SLCO3A1: variants seen among roughly 807,000 people sequenced by gnomAD.
SLCO3A1 encodes the protein PGE1 transporter.
A neutral mutation model predicts 63.1 loss-of-function variants in SLCO3A1; 27 were observed. The observed-to-expected ratio is 0.43, with a 90% CI of 0.32 to 0.59. The LOEUF is 0.59. Ranked by LOEUF, SLCO3A1 falls within the 20% of genes least tolerant of loss-of-function variation. The pLI, the probability that SLCO3A1 is intolerant of heterozygous loss-of-function variation, is 0.09. For missense variants in SLCO3A1, 773 were observed against 945.8 expected, an observed-to-expected ratio of 0.82 and a Z score of 2.40; for synonymous variants, 473 against 409.9, an observed-to-expected ratio of 1.15 and a Z score of -1.86.
At chr15:91,919,112 C>T (rs1436280089) in intron 2 of SLCO3A1, among the ~76,000 whole-genome samples, 4 of 152,304 alleles carry the variant, frequency 2.6e-5, no homozygotes, top group East Asian at 1.9e-4. Flanking sequence ...ACACCTGCCC[C>T]GGGTCACCCG....
At chr15:91,861,558 A>G (rs1373527170) in intron 1 of SLCO3A1, among the ~76,000 whole-genome samples, 1 of 152,224 alleles carries the variant, frequency 6.6e-6, no homozygotes, top group Non-Finnish European at 1.5e-5. Flanking sequence ...CAATAGTTGC[A>G]CTTATTCCTC....
intron 2 of SLCO3A1, among the ~76,000 whole-genome samples, chr15:91,973,417 C>G (rs1274650606): frequency 6.6e-6 from 1 of 152,176 alleles, no homozygotes; most frequent in Non-Finnish European, 1.5e-5. Flanking sequence ...AAATTCAAAC[C>G]TGTGACAAGT....
intron 2 of SLCO3A1, among the ~76,000 whole-genome samples, chr15:91,979,762 T>C (rs143947418): frequency 6.6e-6 from 1 of 152,336 alleles, no homozygotes; most frequent in African/African-American, 2.4e-5. Flanking sequence ...CGGTATACAA[T>C]GCATGTCAAG....
chr15:92,121,869 C>T (rs1458876907), intron 5 of SLCO3A1, among the ~76,000 whole-genome samples: 1 of 152,194 alleles, frequency 6.6e-6, no homozygotes, highest in African/African-American at 2.4e-5. Context: ...GCCCAAATGT[C>T]TCTGTTGGCT....
chr15:91,878,027 A>G (rs1897445318), intron 1 of SLCO3A1, among the ~76,000 whole-genome samples: 1 of 150,668 alleles, frequency 6.6e-6, no homozygotes, highest in African/African-American at 2.4e-5. Context: ...ATGAGGCAAG[A>G]TCTGGTATCC....
chr15:91,996,200 A>G lies in SLCO3A1; in HGVS notation c.646+79742A>G, dbSNP rs2046189890. Among the ~76,000 whole-genome samples the G allele has an allele frequency of 2.0e-5, 3 of 152,164 alleles. No homozygotes were observed. The South Asian group carries it at 6.2e-4, about 32-fold the overall frequency. On this transcript the variant is annotated intron_variant, in intron 2 of 9. Transcript: ENST00000318445. ...CTTAGCATTTCTATAGATAAGCAAA[A>G]ATAAGTGGCAAATGAAAATTGTTTA...
At chr15:91,891,677 GT>G (rs1259279961) in intron 1 of SLCO3A1, among the ~76,000 whole-genome samples, 1 of 152,164 alleles carries the variant, frequency 6.6e-6, no homozygotes, top group Non-Finnish European at 1.5e-5. Flanking sequence ...TGACTTTGGG[GT>G]TTATCTTTTC....
intron 1 of SLCO3A1, chr15:91,889,059 C>T (rs569292133): frequency 2.1e-6 from 1 of 485,982 alleles, no homozygotes; most frequent in Non-Finnish European, 3.0e-6. Context: ...ACAATTATTA[C>T]TAGCTAACAT....
intron 2 of SLCO3A1, among the ~76,000 whole-genome samples, chr15:91,957,547 G>C (rs757971366): frequency 2.6e-5 from 4 of 152,018 alleles, no homozygotes; most frequent in Admixed American, 6.6e-5. Flanking sequence ...ATCAAGCTCA[G>C]TTCCCACCTC....
chr15:91,894,235 G>T lies in SLCO3A1; in HGVS notation c.181-21758G>T, dbSNP rs1206326353. Reference sequence around the variant, plus strand: ...TGGTAGGAAATGAGGTTGGAGAGGAGGGCAGGGGTGGGGGGTTTTATAGCA... The same window carrying T: ...TGGTAGGAAATGAGGTTGGAGAGGATGGCAGGGGTGGGGGGTTTTATAGCA... On this transcript the variant is annotated intron_variant, in intron 1 of 9. Transcript: ENST00000318445. This position sits in a 1 kb window ranked among gnomAD's most constrained non-coding sequence, Gnocchi z 4.8. 6.6e-6 allele frequency among the ~76,000 whole-genome samples: 1 copy of T among 152,104 alleles called. No homozygotes were observed. Among genetic ancestry groups the T allele is most frequent in the Non-Finnish European group, 1.5e-5 (1 of 68,008 alleles).
chr15:92,158,655 C>T (rs1476010955), intron 9 of SLCO3A1, among the ~76,000 whole-genome samples: 1 of 152,138 alleles, frequency 6.6e-6, no homozygotes, highest in Non-Finnish European at 1.5e-5. Context: ...AACTGAGTGA[C>T]GAACATATAA....
At chr15:91,981,913 A>C (rs1474533384) in intron 2 of SLCO3A1, among the ~76,000 whole-genome samples, 1 of 152,252 alleles carries the variant, frequency 6.6e-6, no homozygotes, top group Non-Finnish European at 1.5e-5. Flanking sequence ...ATGGACCCTC[A>C]AAGCAGCTGC....
chr15:91,929,940 C>G (rs760783816), intron 2 of SLCO3A1, among the ~76,000 whole-genome samples: 3 of 152,150 alleles, frequency 2.0e-5, no homozygotes, highest in Non-Finnish European at 2.9e-5. Context: ...GTCCATTCAT[C>G]TATGAATGGA....
chr15:92,128,712 A>T lies in SLCO3A1; in HGVS notation c.1512+223A>T, dbSNP rs145354996. Reference sequence around the variant, plus strand: ...TCTCATTGTGCAACTGAAAGTAAAAATTCAAAGGAAGCTGTATATATGGAA... The same window carrying T: ...TCTCATTGTGCAACTGAAAGTAAAATTTCAAAGGAAGCTGTATATATGGAA... On this transcript the variant is annotated intron_variant, in intron 7 of 9. Coordinates refer to ENST00000318445, the MANE Select transcript of SLCO3A1 (RefSeq NM_013272.4). Among the ~76,000 whole-genome samples, 296 of 152,344 alleles carry T rather than the reference A, an allele frequency of 1.9e-3. 1 individual carries two copies. Among genetic ancestry groups the T allele is most frequent in the African/African-American group, 6.9e-3 (287 of 41,580 alleles).
chr15:92,089,261 C>T (rs1179487026), intron 2 of SLCO3A1, among the ~76,000 whole-genome samples: 5 of 152,092 alleles, frequency 3.3e-5, no homozygotes, highest in South Asian at 2.1e-4. Context: ...CTCCTGACCT[C>T]GTGATCCGCT....
At chr15:91,866,386 C>G (rs1470754305) in intron 1 of SLCO3A1, among the ~76,000 whole-genome samples, 2 of 152,100 alleles carry the variant, frequency 1.3e-5, no homozygotes, top group African/African-American at 4.8e-5. Context: ...TCCTGAAGCC[C>G]TATCCGATTC....
chr15:92,031,423 T>G (rs889771057), intron 2 of SLCO3A1, among the ~76,000 whole-genome samples: 28 of 152,220 alleles, frequency 1.8e-4, no homozygotes, highest in African/African-American at 6.8e-4. Flanking sequence ...AAAGACTTCC[T>G]AAAAGCCCAA....
chr15:92,007,181 T>G (rs1301656575), intron 2 of SLCO3A1, among the ~76,000 whole-genome samples: 1 of 152,238 alleles, frequency 6.6e-6, no homozygotes, highest in Non-Finnish European at 1.5e-5. Context: ...AAGGTCAGTT[T>G]CATGGTAGGT....
chr15:91,901,309 T>A (rs1898149803), intron 1 of SLCO3A1, among the ~76,000 whole-genome samples: 1 of 152,228 alleles, frequency 6.6e-6, no homozygotes, highest in South Asian at 2.1e-4. Context: ...ACGTATTACA[T>A]CTATATCTTA....
Sources: gnomAD v4.1 joint callset for allele counts (sites outside exome capture counted in the v4.1 genomes callset) on GRCh38, gnomAD v4.1.1 for gene constraint, Gnocchi (gnomAD v3.1) non-coding constraint, MANE v1.5 for transcripts, NCBI Gene and HGNC (gene_info 2026-07-23, HGNC 2026-07-21) for gene names.